The following MIPOL1 variants were observed in gnomAD, a reference collection of about 807,000 sequenced individuals.
MIPOL1 encodes mirror-image polydactyly 1.
A neutral mutation model predicts 60.9 loss-of-function variants in MIPOL1; 57 were observed. The ratio of observed to expected loss-of-function variants is 0.94; its 90% CI spans 0.76 to 1.17. The LOEUF (loss-of-function observed/expected upper bound fraction) is 1.17, where lower values mean the gene tolerates loss of function less well. Among genes scored for constraint, MIPOL1 ranks in the 50% most tolerant of loss-of-function variants. The pLI, the probability that MIPOL1 is intolerant of heterozygous loss-of-function variation, is 0.00. For missense variants in MIPOL1, 551 were observed against 511.6 expected (o/e 1.08, Z -0.74); for synonymous variants, 179 against 168.8 (o/e 1.06, Z -0.47).
At chr14:37,388,083 A>G (rs1244738033) in intron 10 of MIPOL1, among the ~76,000 whole-genome samples, 1 of 151,950 alleles carries the variant, frequency 6.6e-6, no homozygotes, top group Non-Finnish European at 1.5e-5. Flanking sequence ...AGTGATTAGG[A>G]AAAACATTAT....
At chr14:37,426,594 T>TATATATATATATATATATATAC (rs1447990257) in intron 11 of MIPOL1, among the ~76,000 whole-genome samples, 134 of 125,350 alleles carry the variant, frequency 1.1e-3, no homozygotes, top group African/African-American at 1.4e-3. Flanking sequence ...TATATATATA[T>TATATATATATATATATATATAC]ACACACACAC....
At chr14:37,355,659 A>T in intron 9 of MIPOL1, among the ~76,000 whole-genome samples, 1 of 118,786 alleles carries the variant, frequency 8.4e-6, no homozygotes, top group South Asian at 3.6e-4. Flanking sequence ...CATTCATTTC[A>T]TCTTCCATCG....
At chr14:37,268,402 T>G (rs1228858712) in intron 4 of MIPOL1, among the ~76,000 whole-genome samples, 1 of 152,114 alleles carries the variant, frequency 6.6e-6, no homozygotes, top group Non-Finnish European at 1.5e-5. Context: ...TCTAGCATAA[T>G]TACAACAGGA....
At chr14:37,427,371 T>C (rs1353822971) in intron 11 of MIPOL1, among the ~76,000 whole-genome samples, 1 of 152,080 alleles carries the variant, frequency 6.6e-6, no homozygotes, top group Admixed American at 6.5e-5. Flanking sequence ...GCCAAGTTCA[T>C]AGAGACAGAA....
At chr14:37,258,518 T>C (rs989105727) in intron 3 of MIPOL1, among the ~76,000 whole-genome samples, 1 of 152,130 alleles carries the variant, frequency 6.6e-6, no homozygotes, top group African/African-American at 2.4e-5. Context: ...AAAAGAGTTA[T>C]GTTAATCAAA....
intron 9 of MIPOL1, among the ~76,000 whole-genome samples, chr14:37,329,305 T>TTAAAAACTA (rs2089473356): frequency 1.3e-5 from 2 of 152,170 alleles, no homozygotes; most frequent in African/African-American, 4.8e-5. Flanking sequence ...GAGAACTGTC[T>TTAAAAACTA]GAGGTCTCTA....
intron 11 of MIPOL1, among the ~76,000 whole-genome samples, chr14:37,468,178 G>A (rs2094627536): frequency 6.6e-6 from 1 of 151,948 alleles, no homozygotes; most frequent in Non-Finnish European, 1.5e-5. Flanking sequence ...GTGTGTGTGT[G>A]TGTGTGCAAT....
At chr14:37,453,515 G>A (rs1314263747) in intron 11 of MIPOL1, among the ~76,000 whole-genome samples, 2 of 151,922 alleles carry the variant, frequency 1.3e-5, no homozygotes, top group African/African-American at 2.4e-5. Flanking sequence ...TGGAATCTTG[G>A]CTTTACCCTT....
intron 3 of MIPOL1, among the ~76,000 whole-genome samples, chr14:37,265,534 T>C (rs1000562582): frequency 1.3e-5 from 2 of 152,176 alleles, no homozygotes; most frequent in Admixed American, 1.3e-4. Context: ...AAACTTTTTA[T>C]ACAAATGTTT....
intron 12 of MIPOL1, among the ~76,000 whole-genome samples, chr14:37,541,509 T>C (rs1278258538): frequency 6.6e-6 from 1 of 152,244 alleles, no homozygotes; most frequent in East Asian, 1.9e-4. Context: ...GGTTTATGTC[T>C]TCTACAAGAC....
chr14:37,503,835 C>A (rs988881094), intron 12 of MIPOL1: 3 of 152,166 alleles, frequency 2.0e-5, no homozygotes, highest in Admixed American at 1.3e-4. Context: ...AGTCAAGACC[C>A]ATCAGTGTGC....
At chr14:37,262,260 G>A (rs1373569754) in intron 3 of MIPOL1, among the ~76,000 whole-genome samples, 1 of 151,714 alleles carries the variant, frequency 6.6e-6, no homozygotes, top group African/African-American at 2.4e-5. Context: ...GAAGTCATTG[G>A]GAGCAATCAC....
At chr14:37,200,893 TGTGTGTA>T (rs1427572942) in intron 1 of MIPOL1, among the ~76,000 whole-genome samples, 90 of 76,826 alleles carry the variant, frequency 1.2e-3, no homozygotes, top group African/African-American at 1.7e-3. Flanking sequence ...TGTGTGTGTG[TGTGTGTA>T]TTTTTTTTTT....
intron 1 of MIPOL1, among the ~76,000 whole-genome samples, chr14:37,237,895 C>T (rs546974268): frequency 2.6e-5 from 4 of 152,112 alleles, no homozygotes; most frequent in African/African-American, 7.2e-5. Flanking sequence ...TGCTCACTGA[C>T]TGTTATGGTT....
chr14:37,301,840 T>C (rs1345547509), intron 7 of MIPOL1, among the ~76,000 whole-genome samples: 1 of 16,310 alleles, frequency 6.1e-5, no homozygotes, highest in African/African-American at 7.7e-5. Context: ...TTTCCTTTTT[T>C]AGAATGTCGT....
At chr14:37,545,905 C>T (rs1594945501) in intron 12 of MIPOL1, 5 of 336,156 alleles carry the variant, frequency 1.5e-5, no homozygotes, top group Middle Eastern at 4.0e-4. Context: ...TGCCGCTTAC[C>T]GTAAAGTCTT....
chr14:37,511,396 T>G (rs1174819091), intron 12 of MIPOL1, among the ~76,000 whole-genome samples: 1 of 152,202 alleles, frequency 6.6e-6, no homozygotes, highest in Non-Finnish European at 1.5e-5. Flanking sequence ...TGCTTGGTTT[T>G]GGACAGAGTG....
chr14:37,409,732 G>A (rs1416416632), intron 10 of MIPOL1, among the ~76,000 whole-genome samples: 2 of 152,190 alleles, frequency 1.3e-5, no homozygotes, highest in Non-Finnish European at 1.5e-5. Context: ...GTTGCAGTGA[G>A]CCGAGATCGC....
At chr14:37,407,027 T>G (rs771961041) in intron 10 of MIPOL1, among the ~76,000 whole-genome samples, 3 of 152,176 alleles carry the variant, frequency 2.0e-5, no homozygotes, top group African/African-American at 4.8e-5. Flanking sequence ...AGATAAAGTC[T>G]CTACAGTCTA....
Sources: gnomAD v4.1 joint callset for allele counts (sites outside exome capture counted in the v4.1 genomes callset) on GRCh38, gnomAD v4.1.1 for gene constraint, MANE v1.5 for transcripts, NCBI Gene and HGNC (gene_info 2026-07-23, HGNC 2026-07-21) for gene names.